Variants in METTL16 observed in about 807,000 individuals in gnomAD.
METTL16 encodes the protein methyltransferase 16, RNA N6-adenosine.
In METTL16, 19 loss-of-function variants were observed where a neutral mutation model predicts 57.9. The observed-to-expected ratio is 0.33, with a 90% CI of 0.23 to 0.48. METTL16 has a LOEUF of 0.48. METTL16 is among the 20% of genes least tolerant of loss of function. The pLI, the probability that METTL16 is intolerant of heterozygous loss-of-function variation, is 0.99. For missense variants in METTL16, 434 were observed against 691.5 expected, an observed-to-expected ratio of 0.63 and a Z score of 4.18; for synonymous variants, 246 against 255.6, an observed-to-expected ratio of 0.96 and a Z score of 0.36.
In METTL16 at chr17:2,447,884, C is replaced by T. The variant is rs1419383197; in HGVS notation, c.729-6325G>A. On this transcript the variant is annotated intron_variant, in intron 6 of 9. Coordinates refer to ENST00000263092, the MANE Select transcript of METTL16 (RefSeq NM_024086.4). ...CAGCCCTCCACCTGGCCAGCCGCCC[C>T]GTCCGGGAGGGAGGTGGGGGGGGTC... Among the ~76,000 whole-genome samples, 14 of 93,212 alleles carry T rather than the reference C, an allele frequency of 1.5e-4. 1 individual carries two copies. The highest frequency in any genetic ancestry group is 8.3e-4 in the South Asian group (2 of 2,402). The allele number at this position is 93,212 out of a possible 152,430, so 61.2% of individuals were successfully genotyped here.
chr17:2,483,025 A>T (rs1276208901), intron 2 of METTL16, among the ~76,000 whole-genome samples: 1 of 131,372 alleles, frequency 7.6e-6, no homozygotes, highest in South Asian at 2.3e-4. Flanking sequence ...TATAGTGTTA[A>T]AAAAAAAAAG....
intron 8 of METTL16, chr17:2,424,164 A>G (rs957001473): frequency 6.7e-6 from 1 of 149,322 alleles, no homozygotes; most frequent in African/African-American, 2.5e-5. Flanking sequence ...CCCAGGCTGG[A>G]GTGCAGTGGC....
intron 8 of METTL16, among the ~76,000 whole-genome samples, chr17:2,429,957 C>T (rs1303036746): frequency 6.6e-6 from 1 of 151,578 alleles, no homozygotes; most frequent in Non-Finnish European, 1.5e-5. Flanking sequence ...ATTACAGGCG[C>T]CCGCCACCAT....
At chr17:2,492,201 ACT>A (rs1056388728) in intron 2 of METTL16, among the ~76,000 whole-genome samples, 9 of 152,114 alleles carry the variant, frequency 5.9e-5, no homozygotes, top group Non-Finnish European at 1.3e-4. Context: ...ACAGAGCAAG[ACT>A]CCGTCTCAAA....
At position 2,420,640 on chromosome 17, in the gene METTL16, C is replaced by A. The variant is rs922309006; in HGVS notation, c.1063-44G>T. ...GAATTTTGTGGGAAATCACGTTTCC[C>A]CTCTCTCCAAACTCTCAATAAAAAA... On this transcript the variant is annotated intron_variant, in intron 9 of 9. Coordinates refer to ENST00000263092, the MANE Select transcript of METTL16 (RefSeq NM_024086.4). This position sits in a 1 kb window ranked among gnomAD's most constrained non-coding sequence, Gnocchi z 5.4. 1 of 1,571,024 alleles carries A rather than the reference C, an allele frequency of 6.4e-7. No homozygotes were observed. Among genetic ancestry groups the A allele is most frequent in the East Asian group, 2.2e-5 (1 of 44,514 alleles).
At chr17:2,474,645 G>A (rs2067257698) in intron 3 of METTL16, among the ~76,000 whole-genome samples, 1 of 152,202 alleles carries the variant, frequency 6.6e-6, no homozygotes. Context: ...GTTTTTACAG[G>A]CCGGGCGTGG....
chr17:2,432,397 G>A (rs570009912), intron 8 of METTL16, among the ~76,000 whole-genome samples: 1 of 152,208 alleles, frequency 6.6e-6, no homozygotes, highest in South Asian at 2.1e-4. Flanking sequence ...GGGAGACTCT[G>A]TCTCTATAAA....
chr17:2,461,594 T>C (rs1597455329), intron 6 of METTL16, among the ~76,000 whole-genome samples: 3 of 149,780 alleles, frequency 2.0e-5, no homozygotes, highest in South Asian at 2.1e-4. Context: ...TTTTTTTTTT[T>C]CAGATGGAGT....
chr17:2,453,476 A>C (rs2067085616), intron 6 of METTL16, among the ~76,000 whole-genome samples: 1 of 152,156 alleles, frequency 6.6e-6, no homozygotes, highest in Non-Finnish European at 1.5e-5. Context: ...CAGATGACAC[A>C]TTTCTGGCGT....
chr17:2,452,982 C>A (rs952194981), intron 6 of METTL16, among the ~76,000 whole-genome samples: 2 of 152,106 alleles, frequency 1.3e-5, no homozygotes, highest in Non-Finnish European at 2.9e-5. Flanking sequence ...GACTCAGCCT[C>A]CAGAGTAGCT....
intron 2 of METTL16, 54 bp from the exon 3 acceptor site, chr17:2,477,939 A>T: frequency 6.7e-7 from 1 of 1,488,724 alleles, no homozygotes; most frequent in Middle Eastern, 1.8e-4. Context: ...ACTATGTTGT[A>T]CAAGCTCTAC....
At chr17:2,485,442 T>C (rs2067334427) in intron 2 of METTL16, among the ~76,000 whole-genome samples, 1 of 152,100 alleles carries the variant, frequency 6.6e-6, no homozygotes, top group Non-Finnish European at 1.5e-5. Context: ...CACAGGTCCA[T>C]GAAAAAATTG....
At chr17:2,504,070 C>T (rs1362615152) in intron 1 of METTL16, among the ~76,000 whole-genome samples, 4 of 152,106 alleles carry the variant, frequency 2.6e-5, no homozygotes, top group Admixed American at 6.6e-5. Flanking sequence ...CATGCTACAA[C>T]ATGGAAGAAC....
chr17:2,471,182 C>A (rs1484303254), intron 4 of METTL16, among the ~76,000 whole-genome samples: 1 of 152,112 alleles, frequency 6.6e-6, no homozygotes, highest in Non-Finnish European at 1.5e-5. Flanking sequence ...CTATAAAACT[C>A]CTAGAAAGTA....
At chr17:2,475,778 G>T (rs2067265033) in intron 3 of METTL16, among the ~76,000 whole-genome samples, 1 of 152,194 alleles carries the variant, frequency 6.6e-6, no homozygotes, top group Non-Finnish European at 1.5e-5. Flanking sequence ...TCTGGGGGAA[G>T]AATTTATATA....
chr17:2,420,794 C>G lies in METTL16; in HGVS notation c.999G>C (p.Ser333=). The change falls in exon 9 of 10, where the codon TCG becomes TCC. Residue 333 remains serine, a synonymous_variant. Coordinates refer to ENST00000263092, the MANE Select transcript of METTL16 (RefSeq NM_024086.4). The surrounding 1 kb of genome is among the most constrained non-coding windows in gnomAD (Gnocchi z 5.4). ...ELSLKASPLR[S]ETAEGIVVVT... ...CAACGACTATGCCTTCCGCCGTCTCCGAGCGCAGAGGTGATGCTTTGAGGG... is the reference window on the plus strand; with the variant it reads ...CAACGACTATGCCTTCCGCCGTCTCGGAGCGCAGAGGTGATGCTTTGAGGG... 4 of 1,614,200 alleles carry G rather than the reference C, an allele frequency of 2.5e-6. No homozygotes were observed. Among genetic ancestry groups the G allele is most frequent in the East Asian group, 2.2e-5 (1 of 44,886 alleles).
intron 6 of METTL16, among the ~76,000 whole-genome samples, chr17:2,448,076 C>CAGG (rs1158169547): frequency 9.8e-4 from 3 of 3,070 alleles, no homozygotes; most frequent in Non-Finnish European, 1.7e-3. Context: ...GGGAGGGAGG[C>CAGG]GGGGGGGTGG....
In METTL16 at chr17:2,417,300, G is replaced by A. The variant is rs1048335309; in HGVS notation, c.*2670C>T. The A allele has an allele frequency of 3.3e-5, 5 of 152,172 alleles. No homozygotes were observed. The highest frequency in any genetic ancestry group is 7.3e-5 in the Non-Finnish European group (5 of 68,100). The allele number at this position is 152,172 out of a possible 1,614,324, so 9.4% of individuals were successfully genotyped here. ...GCTGGTCTCAAACTCCCGACCTCATGCGATGCGCCCATCTCAGCCTCACAG... is the reference window on the plus strand; with the variant it reads ...GCTGGTCTCAAACTCCCGACCTCATACGATGCGCCCATCTCAGCCTCACAG... On this transcript the variant is annotated 3_prime_UTR_variant, in exon 10 of 10. Transcript: ENST00000263092.
chr17:2,483,023 TAAAA>T (rs55710404), intron 2 of METTL16, among the ~76,000 whole-genome samples: 4 of 143,980 alleles, frequency 2.8e-5, no homozygotes, highest in Admixed American at 7.0e-5. Flanking sequence ...CATATAGTGT[TAAAA>T]AAAAAAAGCA....
Sources: allele counts gnomAD v4.1 joint callset (sites outside exome capture counted in the v4.1 genomes callset), GRCh38; gene constraint gnomAD v4.1.1; non-coding constraint Gnocchi (gnomAD v3.1); transcripts MANE v1.5; gene names NCBI Gene and HGNC (gene_info 2026-07-23, HGNC 2026-07-21).